TENM2: variants seen among roughly 807,000 people sequenced by gnomAD.
TENM2 encodes teneurin transmembrane protein 2.
Under a neutral mutation model 245.2 loss-of-function variants are expected in TENM2, and 52 were observed. The observed-to-expected ratio is 0.21, with a 90% confidence interval of 0.17 to 0.27. The LOEUF (loss-of-function observed/expected upper bound fraction) is 0.27, where lower values mean the gene tolerates loss of function less well. Among genes scored for constraint, TENM2 ranks in the 10% least tolerant of loss-of-function variants. The pLI is 1.00. For synonymous variants in TENM2, 1,363 were observed against 1,438.9 expected (o/e 0.95, Z 1.19); for missense variants, 3,046 against 3,666.8 (o/e 0.83, Z 4.37).
intron 3 of TENM2, among the ~76,000 whole-genome samples, chr5:167,931,876 G>A (rs141772757): frequency 6.6e-6 from 1 of 152,200 alleles, no homozygotes; most frequent in Admixed American, 6.5e-5. Context: ...TTGCAGAGAT[G>A]AAATCTGCAT....
chr5:167,218,852 A>T, the TENM2 span, among the ~76,000 whole-genome samples: 3 of 152,186 alleles, frequency 2.0e-5, no homozygotes, highest in Non-Finnish European at 4.4e-5. Flanking sequence ...TTCAATACTC[A>T]TTGTGGTCCT....
chr5:168,218,953 C>T lies in TENM2; in HGVS notation c.5062C>T (p.Leu1688Phe). Residue 1688 changes from leucine to phenylalanine, a missense_variant, in exon 23 of 29, where the codon CTC (leucine) becomes TTC (phenylalanine). Transcript: ENST00000518659. The surrounding 1 kb of genome is among the most constrained non-coding windows in gnomAD (Gnocchi z 5.2). ...CATGACCTATGATGGCAACACTGGG[C>T]TCCTGGCCACCAAGAGCGATGAAAC... 1 of 1,613,952 alleles carries T rather than the reference C, an allele frequency of 6.2e-7. No homozygotes were observed. Among genetic ancestry groups the T allele is most frequent in the Non-Finnish European group, 8.5e-7 (1 of 1,179,870 alleles).
chr5:167,001,635 A>T, the TENM2 span, among the ~76,000 whole-genome samples: 2 of 152,148 alleles, frequency 1.3e-5, no homozygotes, highest in Non-Finnish European at 2.9e-5. Context: ...ATCAAGTTTT[A>T]GGCTTTTGCA....
intron 1 of TENM2, among the ~76,000 whole-genome samples, chr5:167,342,421 C>G (rs1187745210): frequency 1.4e-5 from 2 of 148,080 alleles, no homozygotes; most frequent in African/African-American, 5.0e-5. Context: ...AGGGTACATT[C>G]TGTCTACATG....
chr5:168,077,501 A>G lies in TENM2; in HGVS notation c.1516-13073A>G, dbSNP rs575710533. Among the ~76,000 whole-genome samples the G allele has an allele frequency of 3.3e-5, 5 of 152,064 alleles. No homozygotes were observed. The South Asian group carries it at 8.3e-4, about 25-fold the overall frequency. ...GTGCAGGTTTGTTACATAAGTATAC[A>G]TGTGCCATGTTGGTGTGCTGCACCC... On this transcript the variant is annotated intron_variant, in intron 7 of 28. Transcript: ENST00000518659.
At chr5:167,862,469 A>G (rs192006377) in intron 2 of TENM2, among the ~76,000 whole-genome samples, 99 of 152,300 alleles carry the variant, frequency 6.5e-4, no homozygotes, top group Non-Finnish European at 1.2e-3. Context: ...TTTGCACCCA[A>G]TCCTGAGGAT....
intron 5 of TENM2, 60 bp downstream of exon 7, chr5:167,993,242 T>C: frequency 1.4e-6 from 2 of 1,410,748 alleles, no homozygotes; most frequent in South Asian, 1.2e-5. Context: ...GGAGAGGCCA[T>C]GGACTTGTGA....
At position 167,356,175 on chromosome 5, in the gene TENM2, G is replaced by A. The variant is rs368779926; in HGVS notation, c.227-19023G>A. Among the ~76,000 whole-genome samples, 216 of 120,140 alleles carry A rather than the reference G, an allele frequency of 1.8e-3. 1 individual carries two copies. The highest frequency in any genetic ancestry group is 7.5e-3 in the African/African-American group (202 of 27,022). 78.8% of individuals were successfully genotyped at this position (120,140 alleles called of 152,430 possible). ...TGCACTCCAGCCTGGGTGGCTGAGC[G>A]AGACTCCATCTCAAAAAAAAAAAAA... On this transcript the variant is annotated intron_variant, in intron 1 of 28. Coordinates refer to ENST00000518659, the Ensembl canonical transcript of TENM2.
At chr5:167,786,458 C>T (rs889400254) in intron 2 of TENM2, among the ~76,000 whole-genome samples, 4 of 152,168 alleles carry the variant, frequency 2.6e-5, no homozygotes, top group African/African-American at 7.2e-5. Context: ...TACATATGTA[C>T]CTGTTTAAAA....
intron 7 of TENM2, among the ~76,000 whole-genome samples, chr5:168,068,024 G>A (rs1019378419): frequency 1.3e-5 from 2 of 152,110 alleles, no homozygotes; most frequent in Non-Finnish European, 2.9e-5. Flanking sequence ...TTCTGAACTG[G>A]ACTGAAAGTG....
chr5:166,996,902 A>C, the TENM2 span, among the ~76,000 whole-genome samples: 1 of 152,200 alleles, frequency 6.6e-6, no homozygotes, highest in Non-Finnish European at 1.5e-5. Flanking sequence ...GGCAAGTTGG[A>C]CTAACTGCCC....
intron 2 of TENM2, among the ~76,000 whole-genome samples, chr5:167,714,724 C>T (rs1241132018): frequency 6.6e-6 from 1 of 152,176 alleles, no homozygotes; most frequent in Non-Finnish European, 1.5e-5. Flanking sequence ...TCGACCAGCA[C>T]CAATCCTATG....
the TENM2 span, among the ~76,000 whole-genome samples, chr5:166,986,756 T>C: frequency 6.6e-6 from 1 of 152,292 alleles, no homozygotes; most frequent in East Asian, 1.9e-4. Context: ...AAATTACGAC[T>C]TATTGTGAAT....
chr5:167,682,422 C>T (rs561621973), intron 2 of TENM2, among the ~76,000 whole-genome samples: 2 of 152,180 alleles, frequency 1.3e-5, no homozygotes, highest in East Asian at 1.9e-4. Flanking sequence ...CTCAGCCTCC[C>T]AAACTGTTGG....
At chr5:168,090,850 C>G (rs1792880510) in intron 8 of TENM2, 81 bp downstream of exon 10, 3 of 1,299,252 alleles carry the variant, frequency 2.3e-6, no homozygotes, top group African/African-American at 1.5e-5. Context: ...GACACATCTT[C>G]TAAGGTAGTT....
At chr5:167,334,064 T>C (rs940007926) in intron 1 of TENM2, among the ~76,000 whole-genome samples, 19 of 152,202 alleles carry the variant, frequency 1.2e-4, no homozygotes, top group African/African-American at 4.6e-4. Context: ...ATTGAATCTT[T>C]CCTGTGTGCC....
the TENM2 span, among the ~76,000 whole-genome samples, chr5:167,164,379 G>C: frequency 3.3e-5 from 5 of 152,204 alleles, no homozygotes; most frequent in Non-Finnish European, 7.3e-5. Flanking sequence ...GTCAAGACAT[G>C]CAGCCATGTA....
At chr5:167,321,696 G>A (rs185243490) in intron 1 of TENM2, among the ~76,000 whole-genome samples, 15 of 151,108 alleles carry the variant, frequency 9.9e-5, no homozygotes, top group African/African-American at 3.4e-4. Context: ...ATGAGCTCTA[G>A]GTTAGTTTTA....
chr5:167,980,707 G>A (rs1193002198), intron 4 of TENM2, among the ~76,000 whole-genome samples: 1 of 152,208 alleles, frequency 6.6e-6, no homozygotes, highest in Non-Finnish European at 1.5e-5. Flanking sequence ...GAGAAGGGGT[G>A]TAATGGGTAA....
Sources: allele counts gnomAD v4.1 joint callset (sites outside exome capture counted in the v4.1 genomes callset), GRCh38; gene constraint gnomAD v4.1.1; non-coding constraint Gnocchi (gnomAD v3.1); transcripts MANE v1.5; gene names NCBI Gene and HGNC (gene_info 2026-07-23, HGNC 2026-07-21).